ST18: variants seen among roughly 807,000 people sequenced by gnomAD.
The protein encoded by ST18 is ST18 C2H2C-type zinc finger transcription factor, also known as suppression of tumorigenicity 18 protein.
Under a neutral mutation model 110.0 loss-of-function variants are expected in ST18, and 50 were observed. The ratio of observed to expected loss-of-function variants is 0.45; its 90% CI spans 0.36 to 0.58. ST18 has a LOEUF of 0.58. Among genes scored for constraint, ST18 ranks in the 20% least tolerant of loss-of-function variants. ST18 has a pLI of 0.00. For missense variants in ST18, 1,306 were observed against 1,280.1 expected, an observed-to-expected ratio of 1.02 and a Z score of -0.31; for synonymous variants, 461 against 452.4, an observed-to-expected ratio of 1.02 and a Z score of -0.24.
At chr8:52,344,354 T>C (rs1816664907) in intron 2 of ST18, among the ~76,000 whole-genome samples, 1 of 152,138 alleles carries the variant, frequency 6.6e-6, no homozygotes, top group Non-Finnish European at 1.5e-5. Flanking sequence ...AAGTGTCTTA[T>C]GTCCCTGATG....
At chr8:52,255,363 A>G (rs769758560) in intron 2 of ST18, among the ~76,000 whole-genome samples, 2 of 152,120 alleles carry the variant, frequency 1.3e-5, no homozygotes, top group Non-Finnish European at 2.9e-5. Context: ...AAATTAAGTA[A>G]TGGAAAAGGC....
intron 8 of ST18, among the ~76,000 whole-genome samples, chr8:52,196,594 G>C (rs542845697): frequency 6.6e-6 from 1 of 152,196 alleles, no homozygotes; most frequent in Non-Finnish European, 1.5e-5. Flanking sequence ...TTTTGAGAGA[G>C]AGACCTCATT....
At chr8:52,290,161 C>A (rs1000414891) in intron 2 of ST18, among the ~76,000 whole-genome samples, 1 of 152,158 alleles carries the variant, frequency 6.6e-6, no homozygotes, top group South Asian at 2.1e-4. Flanking sequence ...CTTAGCCCAG[C>A]CACAACCACA....
chr8:52,286,407 A>G (rs1564415473), intron 2 of ST18, among the ~76,000 whole-genome samples: 1 of 152,238 alleles, frequency 6.6e-6, no homozygotes, highest in Non-Finnish European at 1.5e-5. Flanking sequence ...CAGAGCTTCA[A>G]ATGCAGGTAT....
intron 11 of ST18, among the ~76,000 whole-genome samples, chr8:52,165,487 G>A (rs531061488): frequency 1.3e-4 from 20 of 152,278 alleles, no homozygotes; most frequent in South Asian, 6.2e-4. Context: ...TATAGTTAAC[G>A]TAAACTGAAA....
At chr8:52,355,066 A>G (rs75719903) in intron 2 of ST18, among the ~76,000 whole-genome samples, 135 of 152,298 alleles carry the variant, frequency 8.9e-4, no homozygotes, top group African/African-American at 3.1e-3. Context: ...GTATTGGCCC[A>G]TCCCTTTCTC....
At chr8:52,363,418 C>G (rs977244504) in intron 2 of ST18, among the ~76,000 whole-genome samples, 6 of 152,014 alleles carry the variant, frequency 3.9e-5, no homozygotes, top group Non-Finnish European at 8.8e-5. Context: ...ACATGTTCAG[C>G]CTGTTAATTA....
At chr8:52,267,693 G>A (rs1189756495) in intron 2 of ST18, among the ~76,000 whole-genome samples, 1 of 152,132 alleles carries the variant, frequency 6.6e-6, no homozygotes, top group Non-Finnish European at 1.5e-5. Flanking sequence ...AGTGTTATAC[G>A]TTTCCTTTGC....
intron 8 of ST18, among the ~76,000 whole-genome samples, chr8:52,208,797 G>A (rs1170057786): frequency 1.3e-5 from 2 of 152,026 alleles, no homozygotes; most frequent in Admixed American, 6.5e-5. Flanking sequence ...TAGCCTGGGC[G>A]ACACAGTGAG....
rs374900076 is a variant in ST18, at chr8:52,363,227, A to T, written c.-465+46101T>A. Among the ~76,000 whole-genome samples, 67 of 152,166 alleles carry T rather than the reference A, an allele frequency of 4.4e-4. 1 individual carries two copies. In the East Asian group the frequency reaches 7.4e-3, roughly 17 times the overall value. ...CTCCATCTCAAAAAAGAAAAAAAAA[A>T]TCTCCTGCAGTGACTGTAGATTTGT... is the stretch of plus-strand genomic sequence containing the variant. On this transcript the variant is annotated intron_variant, in intron 2 of 25. Transcript: ENST00000689386.
chr8:52,324,451 G>A (rs1805395963), intron 2 of ST18, among the ~76,000 whole-genome samples: 1 of 152,078 alleles, frequency 6.6e-6, no homozygotes, highest in Non-Finnish European at 1.5e-5. Flanking sequence ...GACAGGTAAG[G>A]TTTCACAGAG....
At chr8:52,286,087 C>G (rs554370167) in intron 2 of ST18, among the ~76,000 whole-genome samples, 4 of 152,072 alleles carry the variant, frequency 2.6e-5, no homozygotes, top group Admixed American at 1.3e-4. Context: ...TTGTTTTTGC[C>G]TTTCTTTCCT....
At chr8:52,336,614 G>A (rs749322535) in intron 2 of ST18, among the ~76,000 whole-genome samples, 11 of 152,292 alleles carry the variant, frequency 7.2e-5, no homozygotes, top group South Asian at 2.1e-4. Context: ...GGAGGAACTC[G>A]GGAAGAGCCT....
At chr8:52,223,931 T>A (rs1177834772) in intron 3 of ST18, among the ~76,000 whole-genome samples, 1 of 152,146 alleles carries the variant, frequency 6.6e-6, no homozygotes, top group African/African-American at 2.4e-5. Flanking sequence ...CAAAGACCAC[T>A]CTGAGATTTG....
intron 16 of ST18, among the ~76,000 whole-genome samples, chr8:52,148,359 T>A (rs2057918261): frequency 6.6e-6 from 1 of 152,282 alleles, no homozygotes; most frequent in Admixed American, 6.5e-5. Context: ...AATCCCCTCA[T>A]CCTTCCATGT....
At chr8:52,249,938 G>C (rs2094154889) in intron 2 of ST18, among the ~76,000 whole-genome samples, 1 of 151,924 alleles carries the variant, frequency 6.6e-6, no homozygotes, top group Non-Finnish European at 1.5e-5. Flanking sequence ...TTGCTTTCTT[G>C]AGCAGTTTCT....
intron 16 of ST18, among the ~76,000 whole-genome samples, chr8:52,146,855 G>A (rs927223783): frequency 6.6e-6 from 1 of 152,208 alleles, no homozygotes; most frequent in East Asian, 1.9e-4. Context: ...TGATTCAGAA[G>A]TACTTTTATG....
At chr8:52,386,597 C>A (rs146303275) in intron 2 of ST18, among the ~76,000 whole-genome samples, 1 of 152,114 alleles carries the variant, frequency 6.6e-6, no homozygotes, top group African/African-American at 2.4e-5. Flanking sequence ...TGATGTCTTA[C>A]GCAACCCAAG....
chr8:52,360,312 C>G (rs1388806927), intron 2 of ST18, among the ~76,000 whole-genome samples: 2 of 151,940 alleles, frequency 1.3e-5, no homozygotes, highest in Non-Finnish European at 2.9e-5. Flanking sequence ...TAAGCGTATA[C>G]AGATGTATAT....
Sources: allele counts gnomAD v4.1 joint callset (sites outside exome capture counted in the v4.1 genomes callset), GRCh38; gene constraint gnomAD v4.1.1; transcripts MANE v1.5; gene names NCBI Gene and HGNC (gene_info 2026-07-23, HGNC 2026-07-21).